COL14A1: variants seen among roughly 807,000 people sequenced by gnomAD.
COL14A1 encodes the protein collagen alpha-1(XIV) chain.
In COL14A1, 136 loss-of-function variants were observed where a neutral mutation model predicts 230.3. That is an observed-to-expected ratio of 0.59 (90% confidence interval 0.51 to 0.68). The LOEUF (loss-of-function observed/expected upper bound fraction) is 0.68, where lower values mean the gene tolerates loss of function less well. COL14A1 is among the 30% of genes least tolerant of loss of function. The pLI, the probability that COL14A1 is intolerant of heterozygous loss-of-function variation, is 0.00. For missense variants in COL14A1, 1,976 were observed against 2,215.8 expected, an observed-to-expected ratio of 0.89 and a Z score of 2.17; for synonymous variants, 792 against 784.1, an observed-to-expected ratio of 1.01 and a Z score of -0.17.
At chr8:120,182,285 G>A (rs1178546890) in intron 5 of COL14A1, among the ~76,000 whole-genome samples, 10 of 152,278 alleles carry the variant, frequency 6.6e-5, no homozygotes, top group Admixed American at 5.2e-4. Context: ...TGAGTCTCCC[G>A]TAGGAATGCT....
At chr8:120,339,936 G>T (rs1822226939) in intron 42 of COL14A1, among the ~76,000 whole-genome samples, 1 of 151,914 alleles carries the variant, frequency 6.6e-6, no homozygotes, top group Non-Finnish European at 1.5e-5. Flanking sequence ...TACTCAGGAG[G>T]CTGAGGCAGG....
intron 34 of COL14A1, among the ~76,000 whole-genome samples, chr8:120,293,844 A>G (rs1820445304): frequency 6.6e-6 from 1 of 151,832 alleles, no homozygotes; most frequent in Non-Finnish European, 1.5e-5. Context: ...TAAAATTCTA[A>G]TTAATACCAA....
At chr8:120,186,919 C>T (rs1816670825) in intron 5 of COL14A1, among the ~76,000 whole-genome samples, 1 of 152,068 alleles carries the variant, frequency 6.6e-6, no homozygotes, top group South Asian at 2.1e-4. Flanking sequence ...AAATGGAAGC[C>T]AGTCATAATA....
chr8:120,143,925 A>G (rs570020518), intron 1 of COL14A1, among the ~76,000 whole-genome samples: 1 of 152,136 alleles, frequency 6.6e-6, no homozygotes, highest in Admixed American at 6.5e-5. Context: ...AATTACACCT[A>G]GAATAGTATT....
At chr8:120,179,178 T>A (rs1034959920) in intron 5 of COL14A1, among the ~76,000 whole-genome samples, 3 of 152,062 alleles carry the variant, frequency 2.0e-5, no homozygotes, top group African/African-American at 7.2e-5. Context: ...GGTATTGGAA[T>A]TTCTGGCCAG....
At position 120,178,555 on chromosome 8, in the gene COL14A1, A is replaced by G. The variant is rs187443507; in HGVS notation, c.436+10308A>G. On this transcript the variant is annotated intron_variant, in intron 5 of 47. Coordinates refer to ENST00000297848, the MANE Select transcript of COL14A1 (RefSeq NM_021110.4). ...TAAACATACGTGTGCATGTGTCTTT[A>G]TAGTGGAATGATTTATAATGCTTTG... Among the ~76,000 whole-genome samples the G allele has an allele frequency of 3.4e-3, 511 of 152,280 alleles. 3 individuals are homozygous for G. Among genetic ancestry groups the G allele is most frequent in the Non-Finnish European group, 6.0e-3 (408 of 68,006 alleles).
Position 120,203,781 on chromosome 8 carries a change from T to C in COL14A1, c.950T>C (p.Val317Ala). ...SEPDSTHVYN[V>A]AEFDLMHTVV... The stretch of plus-strand genomic sequence containing the variant: ...CCAGACAGCACTCATGTGTACAATG[T>C]TGCCGAATTCGATCTGATGCACACA... The change falls in exon 9 of 48, where the codon GTT becomes GCT. Residue 317 changes from valine to alanine, a missense_variant. Physicochemically the swap from Val to Ala is moderately conservative, Grantham distance 64. Around this residue, in one of 3 missense-constraint regions of COL14A1, gnomAD observed 1,791 missense variants for 2,019.5 expected, o/e 0.89. Transcript: ENST00000297848. 6.2e-7 allele frequency: 1 copy of C among 1,614,006 alleles called. No individual in the cohort carries two copies. Among genetic ancestry groups the C allele is most frequent in the Non-Finnish European group, 8.5e-7 (1 of 1,179,920 alleles).
At chr8:120,256,010 G>A (rs887668922) in intron 23 of COL14A1, among the ~76,000 whole-genome samples, 8 of 151,876 alleles carry the variant, frequency 5.3e-5, no homozygotes, top group Non-Finnish European at 7.4e-5. Flanking sequence ...ATCTAGAGCC[G>A]GTTAATCCTC....
intron 33 of COL14A1, among the ~76,000 whole-genome samples, chr8:120,289,080 A>G (rs2129954446): frequency 6.6e-6 from 1 of 152,278 alleles, no homozygotes; most frequent in South Asian, 2.1e-4. Context: ...ACACTAAGCT[A>G]AACAGCTTTA....
At chr8:120,153,997 G>T (rs189011422) in intron 2 of COL14A1, among the ~76,000 whole-genome samples, 173 of 152,198 alleles carry the variant, frequency 1.1e-3, no homozygotes, top group African/African-American at 3.8e-3. Flanking sequence ...CCTATGCAGT[G>T]GGGGAGGTAG....
chr8:120,250,540 G>T (rs1197936846), intron 21 of COL14A1, 77 bp from the exon 22 acceptor site: 36 of 1,493,710 alleles, frequency 2.4e-5, no homozygotes, highest in Non-Finnish European at 3.3e-5. Flanking sequence ...GCAGTCAAGT[G>T]AATACAATTT....
chr8:120,315,472 A>G lies in COL14A1; in HGVS notation c.4552-61A>G, dbSNP rs551542125. On this transcript the variant is annotated intron_variant, in intron 38 of 47. Coordinates refer to ENST00000297848, the MANE Select transcript of COL14A1 (RefSeq NM_021110.4). Reference sequence around the variant, plus strand: ...AAACTATTTAAATAATGAGAGAAGGAAAAGAAAACGCTAAGAATTTACCTA... The same window carrying G: ...AAACTATTTAAATAATGAGAGAAGGGAAAGAAAACGCTAAGAATTTACCTA... The G allele has an allele frequency of 9.5e-6, 13 of 1,370,486 alleles. No individual in the cohort carries two copies. The South Asian group carries it at 1.6e-4, about 17-fold the overall frequency. 84.9% of individuals were successfully genotyped at this position (1,370,486 alleles called of 1,614,324 possible). A position where few individuals can be genotyped will look rare whatever the true frequency, so the allele number is the denominator to read the frequency against.
In COL14A1 at chr8:120,270,260, G is replaced by C. The variant is rs891629355; in HGVS notation, c.3213+86G>C. On this transcript the variant is annotated intron_variant, in intron 26 of 47. Transcript: ENST00000297848. Reference sequence around the variant, plus strand: ...TTACAGCTACTTGTCAGGGACTATAGGTCAAGAACTGTAATGATTGGGTTC... The same window carrying C: ...TTACAGCTACTTGTCAGGGACTATACGTCAAGAACTGTAATGATTGGGTTC... The C allele has an allele frequency of 3.8e-6, 5 of 1,324,986 alleles. No homozygotes were observed. The African/African-American group carries it at 4.4e-5, about 12-fold the overall frequency. 82.1% of individuals were successfully genotyped at this position (1,324,986 alleles called of 1,614,324 possible).
chr8:120,297,650 G>A, intron 35 of COL14A1, 62 bp downstream of exon 35: 1 of 1,004,362 alleles, frequency 1.0e-6, no homozygotes, highest in South Asian at 3.3e-5. Flanking sequence ...CTGGAAATGA[G>A]AAGCTATTTC....
rs191369496 is a variant in COL14A1, at chr8:120,311,720, C to T, written c.4455+1658C>T. ...AAACCTCTTGTTGGTCTCTCCTAGT[C>T]ATTTTTGCCTCATATTTTATAGGAT... On this transcript the variant is annotated intron_variant, in intron 37 of 47. Transcript: ENST00000297848. Among the ~76,000 whole-genome samples the T allele has an allele frequency of 2.6e-5, 4 of 152,294 alleles. No homozygotes were observed. The East Asian group carries it at 7.7e-4, about 29-fold the overall frequency.
intron 45 of COL14A1, among the ~76,000 whole-genome samples, chr8:120,349,121 G>A (rs4870726): frequency 0.47 from 71,009 of 151,882 alleles, 17,180 homozygotes; most frequent in African/African-American, 0.61. Context: ...CCCCAGCAGG[G>A]GCACACTGAA....
chr8:120,322,861 C>G (rs888234850), intron 40 of COL14A1, among the ~76,000 whole-genome samples: 6 of 152,134 alleles, frequency 3.9e-5, no homozygotes, highest in Admixed American at 3.9e-4. Context: ...ATGAACCCAC[C>G]CACACATGCA....
rs373830199 is a variant in COL14A1 at position 120,162,754 on chromosome 8, C to A, written c.349+185C>A. On this transcript the variant is annotated intron_variant, in intron 4 of 47. Coordinates refer to ENST00000297848, the MANE Select transcript of COL14A1 (RefSeq NM_021110.4). ...CTAATACTTTGCTACCCTTCCCTTT[C>A]CCCCATTTTGCTATATTCTTACTTA... is the stretch of plus-strand genomic sequence containing the variant. 4.6e-5 allele frequency among the ~76,000 whole-genome samples: 7 copies of A among 152,266 alleles called. 1 individual carries two copies. Among genetic ancestry groups the A allele is most frequent in the African/African-American group, 1.7e-4 (7 of 41,548 alleles).
chr8:120,212,663 T>A, intron 13 of COL14A1, 86 bp downstream of exon 13: 1 of 1,462,426 alleles, frequency 6.8e-7, no homozygotes, highest in Non-Finnish European at 9.4e-7. Flanking sequence ...CTAGTTTTGT[T>A]GAAACCTCTT....
Sources: gnomAD v4.1 joint callset for allele counts (sites outside exome capture counted in the v4.1 genomes callset) on GRCh38, gnomAD v4.1.1 for gene constraint, gnomAD v4.1.1 regional missense constraint, MANE v1.5 for transcripts, NCBI Gene and HGNC (gene_info 2026-07-23, HGNC 2026-07-21) for gene names.